Variants in MOK observed in about 807,000 individuals in gnomAD.
MOK encodes the protein MOK protein kinase.
MOK carries 59 observed loss-of-function variants against 54.2 expected under a neutral mutation model. The ratio of observed to expected loss-of-function variants is 1.09; its 90% CI spans 0.88 to 1.35. The LOEUF is 1.35. Ranked by LOEUF, MOK falls within the 40% of genes most tolerant of loss-of-function variation. The pLI is 0.00. For synonymous variants in MOK, 210 were observed against 202.7 expected (o/e 1.04, Z -0.31); for missense variants, 517 against 526.2 (o/e 0.98, Z 0.17).
At chr14:102,218,401 A>G in the MOK span, among the ~76,000 whole-genome samples, 1 of 152,240 alleles carries the variant, frequency 6.6e-6, no homozygotes, top group Admixed American at 6.5e-5. Context: ...GAGACCGTCC[A>G]GGCCTGACAG....
At chr14:102,298,053 C>T (rs1462224345) in intron 1 of MOK, among the ~76,000 whole-genome samples, 1 of 152,214 alleles carries the variant, frequency 6.6e-6, no homozygotes, top group Non-Finnish European at 1.5e-5. Context: ...CCATCAACTG[C>T]CCAAGGGCTG....
At position 102,240,813 on chromosome 14, in the gene MOK, C is replaced by CT. The variant is rs2065656614; in HGVS notation, c.591-7025dup. 1.3e-5 allele frequency among the ~76,000 whole-genome samples: 2 copies of CT among 152,226 alleles called. No homozygotes were observed. Among genetic ancestry groups the CT allele is most frequent in the Non-Finnish European group, 2.9e-5 (2 of 68,040 alleles). On this transcript the variant is annotated intron_variant, in intron 7 of 11. Coordinates refer to ENST00000361847, the MANE Select transcript of MOK (RefSeq NM_014226.3). The surrounding 1 kb of genome is among the most constrained non-coding windows in gnomAD (Gnocchi z 5.4). The stretch of plus-strand genomic sequence containing the variant: ...CAGCCCAGGGCTGCTCACCACCCTC[C>CT]TTATCTGTGTCTCTACCCTCTCTTT...
intron 2 of MOK, among the ~76,000 whole-genome samples, chr14:102,268,966 T>C (rs994047504): frequency 5.3e-5 from 8 of 152,066 alleles, no homozygotes; most frequent in African/African-American, 1.9e-4. Context: ...CAACATTTCA[T>C]TTTATTGGAT....
chr14:102,273,537 C>T (rs1443614945), intron 2 of MOK, among the ~76,000 whole-genome samples: 4 of 152,068 alleles, frequency 2.6e-5, no homozygotes, highest in South Asian at 4.2e-4. Flanking sequence ...GAGCACTTTG[C>T]GAGGCCAAGG....
chr14:102,227,435 T>A (rs1481620568), downstream of MOK, among the ~76,000 whole-genome samples: 1 of 150,624 alleles, frequency 6.6e-6, no homozygotes, highest in Non-Finnish European at 1.5e-5. Context: ...CCAGGCCCTC[T>A]GTAGAGGCAG....
At chr14:102,282,678 G>A (rs576999043) in intron 2 of MOK, among the ~76,000 whole-genome samples, 90 of 152,196 alleles carry the variant, frequency 5.9e-4, no homozygotes, top group African/African-American at 2.1e-3. Context: ...AGGCTGCAGT[G>A]AGCCAAGATC....
the MOK span, chr14:102,214,904 G>A: frequency 1.0e-6 from 1 of 984,170 alleles, no homozygotes; most frequent in Non-Finnish European, 1.2e-6. Context: ...CCTTGTCACT[G>A]TCACAGCTAA....
the MOK span, among the ~76,000 whole-genome samples, chr14:102,216,936 G>GA: frequency 2.0e-5 from 3 of 151,922 alleles, no homozygotes; most frequent in East Asian, 1.9e-4. Flanking sequence ...CTGTCTTAAA[G>GA]AAAAAAAATA....
rs2066649458 is a variant in MOK at position 102,253,000 on chromosome 14, T to C, written c.284-1005A>G. On this transcript the variant is annotated intron_variant, in intron 4 of 11. Transcript: ENST00000361847. ...ATGGTGGAGACACCGCAAGGGCCTG[T>C]TTTGGAAGCCCCGGGCGAGTCAGCT... Among the ~76,000 whole-genome samples, 6 of 152,304 alleles carry C rather than the reference T, an allele frequency of 3.9e-5. No homozygotes were observed. The South Asian group carries it at 1.0e-3, about 26-fold the overall frequency.
At chr14:102,297,345 A>G (rs543201896) in intron 1 of MOK, among the ~76,000 whole-genome samples, 1 of 152,284 alleles carries the variant, frequency 6.6e-6, no homozygotes, top group South Asian at 2.1e-4. Flanking sequence ...TCCACACTGC[A>G]AGACTCCGTC....
At chr14:102,260,307 C>T (rs1357642121) in intron 4 of MOK, among the ~76,000 whole-genome samples, 1 of 151,976 alleles carries the variant, frequency 6.6e-6, no homozygotes, top group African/African-American at 2.4e-5. Flanking sequence ...AATCACACCA[C>T]TGCACTCCAG....
At chr14:102,286,991 T>C (rs1167842056) in intron 1 of MOK, among the ~76,000 whole-genome samples, 1 of 151,608 alleles carries the variant, frequency 6.6e-6, no homozygotes, top group Non-Finnish European at 1.5e-5. Context: ...ATACTGGCTC[T>C]GTCTGAGGTT....
At chr14:102,276,902 G>A (rs2068919377) in intron 2 of MOK, among the ~76,000 whole-genome samples, 1 of 151,894 alleles carries the variant, frequency 6.6e-6, no homozygotes, top group Admixed American at 6.6e-5. Flanking sequence ...AGGCTGGAGT[G>A]CAGTGGTGTG....
chr14:102,228,697 CAAAAAAAAAA>C (rs10564818), downstream of MOK: 2 of 120,058 alleles, frequency 1.7e-5, no homozygotes, highest in South Asian at 2.9e-4. Context: ...AACTCCGTCT[CAAAAAAAAAA>C]AAAAAAAAAA....
chr14:102,296,145 C>G (rs952294616), intron 1 of MOK, among the ~76,000 whole-genome samples: 2 of 151,424 alleles, frequency 1.3e-5, no homozygotes, highest in African/African-American at 2.4e-5. Context: ...ACCTGGAAGG[C>G]TGAGGCAGGA....
In MOK at chr14:102,282,922, G is replaced by A. The variant is rs116765198; in HGVS notation, c.122+556C>T. Among the ~76,000 whole-genome samples, 219 of 151,786 alleles carry A rather than the reference G, an allele frequency of 1.4e-3. 1 individual carries two copies. The highest frequency in any genetic ancestry group is 5.2e-3 in the African/African-American group (214 of 41,380). On this transcript the variant is annotated intron_variant, in intron 2 of 11. Coordinates refer to ENST00000361847, the MANE Select transcript of MOK (RefSeq NM_014226.3). ...AAATAATAATTAGCCGGGCTTGGTG[G>A]CACATGCCTGCAGTTGCAGCTACTA...
In MOK at chr14:102,238,709, G is replaced by A. The variant is rs1261650279; in HGVS notation, c.591-4920C>T. On this transcript the variant is annotated intron_variant, in intron 7 of 11. Coordinates refer to ENST00000361847, the MANE Select transcript of MOK (RefSeq NM_014226.3). This position sits in a 1 kb window ranked among gnomAD's most constrained non-coding sequence, Gnocchi z 4.8. ...GCTAGACCTTCCCCAGGGCCAAACCGACAAAATCCTGACATCTCTCCACCA... is the reference window on the plus strand; with the variant it reads ...GCTAGACCTTCCCCAGGGCCAAACCAACAAAATCCTGACATCTCTCCACCA... Among the ~76,000 whole-genome samples the A allele has an allele frequency of 1.3e-5, 2 of 152,068 alleles. No homozygotes were observed. Among genetic ancestry groups the A allele is most frequent in the Non-Finnish European group, 2.9e-5 (2 of 68,014 alleles).
the MOK span, among the ~76,000 whole-genome samples, chr14:102,217,308 C>A: frequency 6.6e-6 from 1 of 152,186 alleles, no homozygotes; most frequent in Non-Finnish European, 1.5e-5. Flanking sequence ...GACTTGCACA[C>A]GTTCTCTCTG....
chr14:102,291,111 C>T (rs1022688146), intron 1 of MOK, among the ~76,000 whole-genome samples: 3 of 152,192 alleles, frequency 2.0e-5, no homozygotes, highest in African/African-American at 7.2e-5. Context: ...TAATGTAAGG[C>T]AGGAGTGAGC....
Sources: allele counts gnomAD v4.1 joint callset (sites outside exome capture counted in the v4.1 genomes callset), GRCh38; gene constraint gnomAD v4.1.1; non-coding constraint Gnocchi (gnomAD v3.1); transcripts MANE v1.5; gene names NCBI Gene and HGNC (gene_info 2026-07-23, HGNC 2026-07-21).